The following PTPN13 variants were observed in gnomAD, a reference collection of about 807,000 sequenced individuals.
PTPN13 encodes the protein tyrosine-protein phosphatase non-receptor type 13.
In PTPN13, 191 loss-of-function variants were observed where a neutral mutation model predicts 284.0. That is an observed-to-expected ratio of 0.67 (90% CI 0.60 to 0.76). The LOEUF (loss-of-function observed/expected upper bound fraction) is 0.76. Ranked by LOEUF, PTPN13 falls within the 30% of genes least tolerant of loss-of-function variation. The pLI is 0.00. For synonymous variants in PTPN13, 986 were observed against 1,022.3 expected, an observed-to-expected ratio of 0.96 and a Z score of 0.68; for missense variants, 2,797 against 2,939.9, an observed-to-expected ratio of 0.95 and a Z score of 1.12.
rs569076801 is a variant in PTPN13, at chr4:86,728,767, C to T, written c.1609-3633C>T. 2.7e-4 allele frequency among the ~76,000 whole-genome samples: 38 copies of T among 141,956 alleles called. 2 individuals are homozygous for T. The South Asian group carries it at 6.5e-3, about 24-fold the overall frequency. The allele number at this position is 141,956 out of a possible 152,430, so 93.1% of individuals were successfully genotyped here. On this transcript the variant is annotated intron_variant, in intron 10 of 47. Transcript: ENST00000411767. The stretch of plus-strand genomic sequence containing the variant: ...CGTGAGATGGGTCTCCTGAATACAG[C>T]ACACTGATGAGTCTTGACTCTTTAT...
At chr4:86,681,354 C>T (rs768919730) in intron 3 of PTPN13, among the ~76,000 whole-genome samples, 1 of 152,096 alleles carries the variant, frequency 6.6e-6, no homozygotes, top group East Asian at 1.9e-4. Flanking sequence ...TTCTCTCCTA[C>T]GGAACATTTG....
chr4:86,770,220 T>C (rs762544465), intron 30 of PTPN13, 21 bp downstream of exon 30: 15 of 1,581,914 alleles, frequency 9.5e-6, no homozygotes, highest in East Asian at 4.5e-5. Context: ...TGAAAAGTAA[T>C]TTACAGTTTT....
intron 1 of PTPN13, among the ~76,000 whole-genome samples, chr4:86,631,227 A>G (rs1181719553): frequency 1.3e-5 from 2 of 152,108 alleles, no homozygotes; most frequent in Non-Finnish European, 2.9e-5. Flanking sequence ...AAATTTTTGT[A>G]ACTAATTCTG....
chr4:86,775,136 T>G, intron 33 of PTPN13, 35 bp from the exon 34 acceptor site: 1 of 1,487,206 alleles, frequency 6.7e-7, no homozygotes, highest in Non-Finnish European at 9.0e-7. Context: ...TTCTAAAAAT[T>G]GTGATCTTCA....
Position 86,594,603 on chromosome 4 carries a change from C to T in PTPN13, c.-192C>T, listed in dbSNP as rs1228054976. On this transcript the variant is annotated 5_prime_UTR_variant, in exon 1 of 48. Coordinates refer to ENST00000411767, the MANE Select transcript of PTPN13 (RefSeq NM_080683.3). ...AGGCGAGGAGGAGGAGGAGGAGATGCTGCTCCTCTTCTCCCCCTCCCCAGG... is the reference window on the plus strand; with the variant it reads ...AGGCGAGGAGGAGGAGGAGGAGATGTTGCTCCTCTTCTCCCCCTCCCCAGG... The T allele has an allele frequency of 6.6e-6, 1 of 152,286 alleles. No homozygotes were observed. The highest frequency in any genetic ancestry group is 2.4e-5 in the African/African-American group (1 of 41,438). The allele number at this position is 152,286 out of a possible 1,614,324, so 9.4% of individuals were successfully genotyped here.
intron 18 of PTPN13, 32 bp downstream of exon 18, chr4:86,750,919 T>A (rs1219326461): frequency 6.3e-7 from 1 of 1,591,350 alleles, no homozygotes; most frequent in African/African-American, 1.4e-5. Flanking sequence ...CAATTACATA[T>A]TTGTAAATTC....
chr4:86,723,535 G>A (rs549227946), intron 10 of PTPN13, among the ~76,000 whole-genome samples: 71 of 152,292 alleles, frequency 4.7e-4, no homozygotes, highest in East Asian at 1.5e-3. Flanking sequence ...ATCGGGGACC[G>A]CTGCTTTAAT....
At chr4:86,775,869 A>C (rs1740575165) in intron 35 of PTPN13, among the ~76,000 whole-genome samples, 1 of 152,252 alleles carries the variant, frequency 6.6e-6, no homozygotes, top group Non-Finnish European at 1.5e-5. Flanking sequence ...GGATGTTTTC[A>C]CTTGCAAGTA....
chr4:86,647,230 CAGTT>C (rs1231492759), intron 2 of PTPN13, among the ~76,000 whole-genome samples: 1 of 152,134 alleles, frequency 6.6e-6, no homozygotes, highest in Non-Finnish European at 1.5e-5. Flanking sequence ...TATTGTATGT[CAGTT>C]ATTCCCTAAC....
At chr4:86,790,928 C>A (rs765780064) in intron 40 of PTPN13, among the ~76,000 whole-genome samples, 1 of 152,110 alleles carries the variant, frequency 6.6e-6, no homozygotes, top group Admixed American at 6.5e-5. Flanking sequence ...ACGAAATCGA[C>A]GCAGAAGACA....
At chr4:86,659,372 A>T (rs1359373024) in intron 2 of PTPN13, among the ~76,000 whole-genome samples, 1 of 152,244 alleles carries the variant, frequency 6.6e-6, no homozygotes, top group Non-Finnish European at 1.5e-5. Context: ...TTTATATTTC[A>T]TAAAAAATAC....
At chr4:86,702,292 C>T (rs1025773634) in intron 7 of PTPN13, among the ~76,000 whole-genome samples, 2 of 152,134 alleles carry the variant, frequency 1.3e-5, no homozygotes, top group Non-Finnish European at 2.9e-5. Context: ...TTTGGGGGCA[C>T]AACTGTAGAA....
At position 86,794,701 on chromosome 4, in the gene PTPN13, T is replaced by C. The variant is rs577423097; in HGVS notation, c.6346-2173T>C. Among the ~76,000 whole-genome samples, 22 of 152,146 alleles carry C rather than the reference T, an allele frequency of 1.4e-4. No homozygotes were observed. In the South Asian group the frequency reaches 3.9e-3, roughly 27 times the overall value. ...CATGGTACTGGTACCAAAACAGATA[T>C]AAAGACCAATGGAACAGAACAGAGG... On this transcript the variant is annotated intron_variant, in intron 40 of 47. Transcript: ENST00000411767.
chr4:86,641,468 A>G lies in PTPN13; in HGVS notation c.115+6097A>G, dbSNP rs1445103831. Among the ~76,000 whole-genome samples the G allele has an allele frequency of 3.3e-5, 5 of 152,282 alleles. No homozygotes were observed. The East Asian group carries it at 9.6e-4, about 29-fold the overall frequency. ...ACTGGGGTATTATTGAACAAAAGCC[A>G]AGAAAATTATCTGTTTCTTCATATT... On this transcript the variant is annotated intron_variant, in intron 2 of 47. Coordinates refer to ENST00000411767, the MANE Select transcript of PTPN13 (RefSeq NM_080683.3).
At chr4:86,701,935 C>A (rs1731211749) in intron 7 of PTPN13, 134 bp downstream of exon 7, 1 of 814,070 alleles carries the variant, frequency 1.2e-6, no homozygotes, top group South Asian at 2.1e-5. Context: ...TAGTCTCTTA[C>A]TTCTCTGTCA....
intron 5 of PTPN13, chr4:86,689,763 C>A (rs1401787851): frequency 2.8e-6 from 2 of 702,160 alleles, no homozygotes; most frequent in Non-Finnish European, 2.6e-6. Context: ...TATGAAGAAT[C>A]CCAAGAATAA....
At position 86,762,824 on chromosome 4, in the gene PTPN13, T is replaced by G. The variant is rs556424721; in HGVS notation, c.3651T>G (p.Asp1217Glu). 1.2e-6 allele frequency: 2 copies of G among 1,613,792 alleles called. No homozygotes were observed. Among genetic ancestry groups the G allele is most frequent in the Non-Finnish European group, 1.7e-6 (2 of 1,179,752 alleles). ...QDSAIDSSSK[D>E]HHWSRGTLRH... ...GTGCTATAGATTCTTCTTCCAAGGA[T>G]CACCACTGGTCACGTGGTACCCTGA... The change falls in exon 24 of 48, where the codon GAT becomes GAG. Residue 1217 changes from aspartate to glutamate, a missense_variant. By Grantham distance (45) the Asp-to-Glu change is conservative. Transcript: ENST00000411767.
intron 10 of PTPN13, 140 bp from the exon 11 acceptor site, chr4:86,732,260 G>A (rs534828113): frequency 2.7e-4 from 178 of 662,732 alleles, no homozygotes; most frequent in Middle Eastern, 4.3e-4. Flanking sequence ...AAGCTTCAAC[G>A]TTTGTTTTAG....
intron 40 of PTPN13, among the ~76,000 whole-genome samples, 179 bp downstream of exon 40, chr4:86,786,115 CA>C (rs1334240167): frequency 6.6e-6 from 1 of 151,206 alleles, no homozygotes; most frequent in Non-Finnish European, 1.5e-5. Context: ...GTGAAAGAAT[CA>C]TTACACAAAT....
Sources: allele counts gnomAD v4.1 joint callset (sites outside exome capture counted in the v4.1 genomes callset), GRCh38; gene constraint gnomAD v4.1.1; transcripts MANE v1.5; gene names NCBI Gene and HGNC (gene_info 2026-07-23, HGNC 2026-07-21).